The following AGAP1 variants were observed in gnomAD, a reference collection of about 807,000 sequenced individuals.
AGAP1 encodes the protein arf-GAP with GTPase, ANK repeat and PH domain-containing protein 1.
Under a neutral mutation model 105.3 loss-of-function variants are expected in AGAP1, and 29 were observed. That is an observed-to-expected ratio of 0.28 (90% CI 0.21 to 0.38). AGAP1 has a LOEUF of 0.38. Among genes scored for constraint, AGAP1 ranks in the 10% least tolerant of loss-of-function variants. AGAP1 has a pLI of 1.00. For missense variants in AGAP1, 998 were observed against 1,165.1 expected, an observed-to-expected ratio of 0.86 and a Z score of 2.09; for synonymous variants, 509 against 485.9, an observed-to-expected ratio of 1.05 and a Z score of -0.63.
At chr2:235,495,714 C>T (rs1941287991) in intron 1 of AGAP1, among the ~76,000 whole-genome samples, 2 of 152,230 alleles carry the variant, frequency 1.3e-5, no homozygotes, top group Non-Finnish European at 2.9e-5. Flanking sequence ...TCTCATTTCT[C>T]TGTTTCCAGG....
chr2:235,650,716 A>AGT (rs1257879531), intron 1 of AGAP1, among the ~76,000 whole-genome samples: 1 of 152,240 alleles, frequency 6.6e-6, no homozygotes, highest in Non-Finnish European at 1.5e-5. Flanking sequence ...TTTTCAGAGT[A>AGT]GGAAAAAGTG....
chr2:235,928,305 G>A (rs377332423), intron 11 of AGAP1, among the ~76,000 whole-genome samples: 43 of 152,310 alleles, frequency 2.8e-4, no homozygotes, highest in African/African-American at 1.0e-3. Context: ...CCTTCGATGG[G>A]TGGATGTGTG....
intron 11 of AGAP1, among the ~76,000 whole-genome samples, chr2:235,922,544 AC>A (rs1239643313): frequency 1.1e-4 from 16 of 152,306 alleles, no homozygotes; most frequent in African/African-American, 3.4e-4. Flanking sequence ...CAGGGAATGA[AC>A]TTTTGTATTT....
At position 236,120,571 on chromosome 2, in the gene AGAP1, C is replaced by T; in HGVS notation, c.2370+124C>T. ...CTCGATCTGCAAGTGGAAACAGTTC[C>T]TAATGGGAAACTCTGATTGAAGAGC... On this transcript the variant is annotated intron_variant, in intron 17 of 17. Coordinates refer to ENST00000304032, the MANE Select transcript of AGAP1 (RefSeq NM_001037131.3). The surrounding 1 kb of genome is among the most constrained non-coding windows in gnomAD (Gnocchi z 6.0). 6.7e-7 allele frequency: 1 copy of T among 1,491,146 alleles called. No homozygotes were observed. The highest frequency in any genetic ancestry group is 8.9e-7 in the Non-Finnish European group (1 of 1,118,920). The allele number at this position is 1,491,146 out of a possible 1,614,324, so 92.4% of individuals were successfully genotyped here.
chr2:235,792,226 C>T lies in AGAP1; in HGVS notation c.674-5533C>T, dbSNP rs1957020690. Among the ~76,000 whole-genome samples, 1 of 152,170 alleles carries T rather than the reference C, an allele frequency of 6.6e-6. No homozygotes were observed. Among genetic ancestry groups the T allele is most frequent in the Non-Finnish European group, 1.5e-5 (1 of 68,044 alleles). ...TCATCTAATGGTGGCTCTTCAGTGT[C>T]ACTGCAATCTATACGCTTTCTCTGT... is the stretch of plus-strand genomic sequence containing the variant. On this transcript the variant is annotated intron_variant, in intron 6 of 17. Transcript: ENST00000304032. This position sits in a 1 kb window ranked among gnomAD's most constrained non-coding sequence, Gnocchi z 5.3.
intron 9 of AGAP1, among the ~76,000 whole-genome samples, chr2:235,823,970 C>T (rs112335621): frequency 5.3e-5 from 8 of 152,062 alleles, no homozygotes; most frequent in South Asian, 2.1e-4. Context: ...TTTCCTAGAG[C>T]CTGGAAGAGG....
intron 12 of AGAP1, among the ~76,000 whole-genome samples, chr2:235,933,401 A>C (rs899890810): frequency 2.6e-5 from 4 of 152,168 alleles, no homozygotes; most frequent in Admixed American, 2.6e-4. Context: ...AGCACTGCCA[A>C]ATTAGCATCT....
chr2:235,779,568 A>G (rs527474537), intron 6 of AGAP1, among the ~76,000 whole-genome samples: 48 of 152,312 alleles, frequency 3.2e-4, no homozygotes, highest in Middle Eastern at 6.8e-3. Flanking sequence ...CTGCGAGTCC[A>G]GAGCCCAAGC....
Position 236,027,530 on chromosome 2 carries a change from G to A in AGAP1, c.1646-9031G>A, listed in dbSNP as rs924395293. ...CCGCCTCTGCCCTGCCTCCCCCAGG[G>A]CAGACTGAGCCTCTCCCCTCCAGGT... is the stretch of plus-strand genomic sequence containing the variant. On this transcript the variant is annotated intron_variant, in intron 13 of 17. Coordinates refer to ENST00000304032, the MANE Select transcript of AGAP1 (RefSeq NM_001037131.3). The surrounding 1 kb of genome is among the most constrained non-coding windows in gnomAD (Gnocchi z 4.4). 1.3e-5 allele frequency among the ~76,000 whole-genome samples: 2 copies of A among 152,104 alleles called. No individual in the cohort carries two copies. Among genetic ancestry groups the A allele is most frequent in the Non-Finnish European group, 2.9e-5 (2 of 68,006 alleles).
At chr2:235,810,159 G>A (rs1202567753) in intron 9 of AGAP1, among the ~76,000 whole-genome samples, 1 of 152,158 alleles carries the variant, frequency 6.6e-6, no homozygotes, top group Non-Finnish European at 1.5e-5. Flanking sequence ...TCTTACGACT[G>A]TATAAAGAAA....
In AGAP1 at chr2:235,908,692, C is replaced by CTT. The variant is rs8178997; in HGVS notation, c.1156-33_1156-32dup. 1.2e-4 allele frequency: 160 copies of CTT among 1,367,698 alleles called. No homozygotes were observed. The highest frequency in any genetic ancestry group is 4.3e-4 in the African/African-American group (29 of 67,812). The allele number at this position is 1,367,698 out of a possible 1,614,324, so 84.7% of individuals were successfully genotyped here. ...CCTTTTGTTCTAGGTTGTAAAAGGT[C>CTT]TTTTTTTTTTTTTTATCTCTCTTGG... On this transcript the variant is annotated intron_variant, in intron 10 of 17. Transcript: ENST00000304032. This position sits in a 1 kb window ranked among gnomAD's most constrained non-coding sequence, Gnocchi z 4.4.
Position 236,038,819 on chromosome 2 carries a change from ATGTGTG to A in AGAP1, c.1801-1907_1801-1902del, listed in dbSNP as rs3030744. 0.35 allele frequency among the ~76,000 whole-genome samples: 33,501 copies of A among 95,578 alleles called. 4,359 individuals are homozygous for A. Among genetic ancestry groups the A allele is most frequent in the Middle Eastern group, 0.41 (73 of 176 alleles). 62.7% of individuals were successfully genotyped at this position (95,578 alleles called of 152,430 possible). Reference sequence around the variant, plus strand: ...GAGAGACAGAGGCACATCCCTTTGTATGTGTGTGTGTGTGTGTGTGTGTGTGTGTGA... The same window carrying A: ...GAGAGACAGAGGCACATCCCTTTGTATGTGTGTGTGTGTGTGTGTGTGTGA... On this transcript the variant is annotated intron_variant, in intron 14 of 17. Transcript: ENST00000304032. The surrounding 1 kb of genome is among the most constrained non-coding windows in gnomAD (Gnocchi z 4.5).
intron 13 of AGAP1, among the ~76,000 whole-genome samples, chr2:235,984,288 T>A (rs868119092): frequency 4.6e-5 from 7 of 152,210 alleles, no homozygotes; most frequent in Non-Finnish European, 1.0e-4. Context: ...CAACATTTTG[T>A]TTGTTGACAG....
intron 13 of AGAP1, among the ~76,000 whole-genome samples, chr2:235,998,868 TTGG>T (rs760942733): frequency 2.2e-4 from 32 of 144,536 alleles, no homozygotes; most frequent in South Asian, 1.6e-3. Context: ...ATGGTGAGAG[TTGG>T]TGGTGGTGGT....
At position 235,529,900 on chromosome 2, in the gene AGAP1, G is replaced by T. The variant is rs557737893; in HGVS notation, c.163+35051G>T. On this transcript the variant is annotated intron_variant, in intron 1 of 17. Transcript: ENST00000304032. ...CAGTGTCCACCTTGTTGGGTGATGA[G>T]GATGGGATTCAACAACTACCTGTCC... is the stretch of plus-strand genomic sequence containing the variant. Among the ~76,000 whole-genome samples the T allele has an allele frequency of 2.6e-5, 4 of 152,286 alleles. No individual in the cohort carries two copies. The South Asian group carries it at 8.3e-4, about 32-fold the overall frequency.
intron 1 of AGAP1, among the ~76,000 whole-genome samples, chr2:235,576,802 C>T (rs13426658): frequency 0.074 from 11,293 of 152,242 alleles, 1,202 homozygotes; most frequent in East Asian, 0.32. Context: ...TCCTGTCAGA[C>T]CCTCTTCCCG....
chr2:235,834,543 G>A (rs758918331), intron 9 of AGAP1, among the ~76,000 whole-genome samples: 14 of 152,116 alleles, frequency 9.2e-5, no homozygotes, highest in Non-Finnish European at 1.6e-4. Flanking sequence ...CATAATTATG[G>A]CTCTTAATTT....
chr2:235,596,420 C>T lies in AGAP1; in HGVS notation c.163+101571C>T, dbSNP rs764478412. Among the ~76,000 whole-genome samples, 4 of 152,146 alleles carry T rather than the reference C, an allele frequency of 2.6e-5. No homozygotes were observed. The highest frequency in any genetic ancestry group is 9.7e-5 in the African/African-American group (4 of 41,434). Reference sequence around the variant, plus strand: ...GAGACTTACTCCAGCTGCTTAACTCCGGTGTGCCTGGAGTCACCTTGGGAC... The same window carrying T: ...GAGACTTACTCCAGCTGCTTAACTCTGGTGTGCCTGGAGTCACCTTGGGAC... On this transcript the variant is annotated intron_variant, in intron 1 of 17. Transcript: ENST00000304032. The surrounding 1 kb of genome is among the most constrained non-coding windows in gnomAD (Gnocchi z 5.9).
At chr2:235,584,902 CTTTTTTTTTTT>C (rs10629736) in intron 1 of AGAP1, among the ~76,000 whole-genome samples, 12 of 98,536 alleles carry the variant, frequency 1.2e-4, no homozygotes, top group Non-Finnish European at 2.0e-4. Flanking sequence ...AAGTCATTAC[CTTTTTTTTTTT>C]TTTTTTTTTT....
Sources: gnomAD v4.1 joint callset for allele counts (sites outside exome capture counted in the v4.1 genomes callset) on GRCh38, gnomAD v4.1.1 for gene constraint, Gnocchi (gnomAD v3.1) non-coding constraint, MANE v1.5 for transcripts, NCBI Gene and HGNC (gene_info 2026-07-23, HGNC 2026-07-21) for gene names.